The following EN2 variants were observed in gnomAD, a reference collection of about 807,000 sequenced individuals.
The protein encoded by EN2 is engrailed homeobox 2, also known as homeobox protein engrailed-2.
Under a neutral mutation model 25.0 loss-of-function variants are expected in EN2, and 7 were observed. That is an observed-to-expected ratio of 0.28 (90% CI 0.16 to 0.53). EN2 has a LOEUF of 0.53. Ranked by LOEUF, EN2 falls within the 20% of genes least tolerant of loss-of-function variation. The pLI is 0.96. For missense variants in EN2, 524 were observed against 501.8 expected (o/e 1.04, Z -0.42); for synonymous variants, 277 against 243.3 (o/e 1.14, Z -1.29).
intron 1 of EN2, among the ~76,000 whole-genome samples, chr7:155,461,828 C>T (rs1429959384): frequency 1.3e-5 from 2 of 152,200 alleles, no homozygotes; most frequent in Admixed American, 6.5e-5. Flanking sequence ...GAGGCAGACA[C>T]TCTGGGCCCC....
chr7:155,459,102 G>A, intron 1 of EN2, 40 bp downstream of exon 1: 1 of 1,518,406 alleles, frequency 6.6e-7, no homozygotes, highest in Non-Finnish European at 8.7e-7. Flanking sequence ...TCGCCGCGGG[G>A]AGGCCCGCGG....
rs1173079390 is a variant in EN2 at position 155,458,384 on chromosome 7, G to A, written c.7G>A (p.Glu3Lys). ...GGGATTTACTGTGAACAGCATGGAG[G>A]AGAATGACCCCAAGCCTGGCGAAGC... ME[E>K]NDPKPGEAAA... Residue 3 changes from glutamate (E) to lysine (K), a missense_variant, in exon 1 of 2, where the codon GAG (glutamate) becomes AAG (lysine). Coordinates refer to ENST00000297375, the MANE Select transcript of EN2 (RefSeq NM_001427.4). 3 of 1,314,080 alleles carry A rather than the reference G, an allele frequency of 2.3e-6. No individual in the cohort carries two copies. The highest frequency in any genetic ancestry group is 3.5e-5 in the Admixed American group (1 of 28,622). The allele number at this position is 1,314,080 out of a possible 1,614,324, so 81.4% of individuals were successfully genotyped here.
chr7:155,461,278 G>A (rs532786396), intron 1 of EN2, among the ~76,000 whole-genome samples: 2 of 152,368 alleles, frequency 1.3e-5, no homozygotes, highest in South Asian at 2.1e-4. Context: ...ACCCAGAGGC[G>A]AGGTCACCAC....
Position 155,458,784 on chromosome 7 carries a change from C to G in EN2, c.407C>G (p.Ala136Gly), listed in dbSNP as rs1795659910. ...GAGCCCCGGCAGAACCCGCCATGTG[C>G]GCCCGGCGCGGGCGGGCCGCTCCCA... Reference protein sequence around the residue: ...SREPRQNPPCAPGAGGPLPAA... With the variant: ...SREPRQNPPCGPGAGGPLPAA... The change falls in exon 1 of 2, where the codon GCG becomes GGG. Residue 136 changes from alanine to glycine, a missense_variant. Ala to Gly is a moderately conservative substitution (Grantham distance 60). Transcript: ENST00000297375. 1 of 1,388,774 alleles carries G rather than the reference C, an allele frequency of 7.2e-7. No individual in the cohort carries two copies. Among genetic ancestry groups the G allele is most frequent in the Admixed American group, 3.7e-5 (1 of 26,756 alleles). 86.0% of individuals were successfully genotyped at this position (1,388,774 alleles called of 1,614,324 possible).
rs771914368 is a variant in EN2 at position 155,459,109 on chromosome 7, G to C, written c.685+47G>C. 5.3e-6 allele frequency: 8 copies of C among 1,511,468 alleles called. No individual in the cohort carries two copies. In the Admixed American group the frequency reaches 1.3e-4, roughly 24 times the overall value. The allele number at this position is 1,511,468 out of a possible 1,614,324, so 93.6% of individuals were successfully genotyped here. ...GTCCCGGCTCGCCGCGGGGAGGCCCGCGGAGCTGGGGGGCGGTGCTGGCGC... is the reference window on the plus strand; with the variant it reads ...GTCCCGGCTCGCCGCGGGGAGGCCCCCGGAGCTGGGGGGCGGTGCTGGCGC... On this transcript the variant is annotated intron_variant, in intron 1 of 1. Transcript: ENST00000297375.
intron 1 of EN2, 66 bp downstream of exon 1, chr7:155,459,128 C>T: frequency 6.8e-7 from 1 of 1,461,538 alleles, no homozygotes; most frequent in African/African-American, 1.5e-5. Context: ...GGGGGCGGTG[C>T]TGGCGCGGGA....
At position 155,462,826 on chromosome 7, in the gene EN2, A is replaced by G. The variant is rs1795712533; in HGVS notation, c.*139A>G. 2 of 1,066,318 alleles carry G rather than the reference A, an allele frequency of 1.9e-6. No homozygotes were observed. The highest frequency in any genetic ancestry group is 3.2e-5 in the African/African-American group (2 of 62,312). 66.1% of individuals were successfully genotyped at this position (1,066,318 alleles called of 1,614,324 possible). Reference sequence around the variant, plus strand: ...ATTAGCTAAGGTTCTGAAATATTCTATGTATATATCATTTACAGGTGGTAT... The same window carrying G: ...ATTAGCTAAGGTTCTGAAATATTCTGTGTATATATCATTTACAGGTGGTAT... On this transcript the variant is annotated 3_prime_UTR_variant, in exon 2 of 2. Transcript: ENST00000297375.
Position 155,462,508 on chromosome 7 carries a change from C to G in EN2, c.823C>G (p.Gln275Glu), listed in dbSNP as rs745453203. The change falls in exon 2 of 2, where the codon CAG becomes GAG. Residue 275 changes from glutamine to glutamate, a missense_variant. By Grantham distance (29) the Gln-to-Glu change is conservative. Coordinates refer to ENST00000297375, the MANE Select transcript of EN2 (RefSeq NM_001427.4). ...TNRYLTEQRR[Q>E]SLAQELSLNE... ...CAGGTACCTGACGGAGCAGCGGCGC[C>G]AGAGCCTGGCGCAGGAGCTGAGCCT... 9 of 1,614,078 alleles carry G rather than the reference C, an allele frequency of 5.6e-6. No individual in the cohort carries two copies. Among genetic ancestry groups the G allele is most frequent in the African/African-American group, 1.3e-5 (1 of 74,936 alleles).
rs1214039942 is a variant in EN2 at position 155,464,501 on chromosome 7, C to A, written c.*1814C>A. On this transcript the variant is annotated 3_prime_UTR_variant, in exon 2 of 2. Transcript: ENST00000297375. ...TTTACGTTGTACATAATAGTGTAAA[C>A]CTTTTTAAAAAGGAAAGTATAAAAA... The A allele has an allele frequency of 6.6e-6, 1 of 152,608 alleles. No homozygotes were observed. The highest frequency in any genetic ancestry group is 1.5e-5 in the Non-Finnish European group (1 of 68,040). The allele number at this position is 152,608 out of a possible 1,614,324, so 9.5% of individuals were successfully genotyped here. A position where few individuals can be genotyped will look rare whatever the true frequency, so the allele number is the denominator to read the frequency against.
intron 1 of EN2, 107 bp from the exon 2 acceptor site, chr7:155,462,264 T>G: frequency 7.6e-7 from 1 of 1,317,924 alleles, no homozygotes; most frequent in Admixed American, 2.3e-5. Context: ...TCGAGTGGCC[T>G]TGGGCGAGTC....
chr7:155,458,420 G>T lies in EN2; in HGVS notation c.43G>T (p.Val15Leu). 7.7e-7 allele frequency: 1 copy of T among 1,306,460 alleles called. No individual in the cohort carries two copies. 80.9% of individuals were successfully genotyped at this position (1,306,460 alleles called of 1,614,324 possible). A position where few individuals can be genotyped will look rare whatever the true frequency, so the allele number is the denominator to read the frequency against. ...CAAGCCTGGCGAAGCAGCGGCGGCG[G>T]TGGAGGGACAGCGGCAGCCGGAATC... ...DPKPGEAAAA[V>L]EGQRQPESSP... Residue 15 changes from valine (V) to leucine (L), a missense_variant, in exon 1 of 2, where the codon GTG (valine) becomes TTG (leucine). Coordinates refer to ENST00000297375, the MANE Select transcript of EN2 (RefSeq NM_001427.4).
chr7:155,462,889 GTTTT>G lies in EN2; in HGVS notation c.*205_*208del, dbSNP rs1282511813. 1.4e-5 allele frequency: 9 copies of G among 635,870 alleles called. No homozygotes were observed. The highest frequency in any genetic ancestry group is 2.1e-5 in the Non-Finnish European group (9 of 423,056). The allele number at this position is 635,870 out of a possible 1,614,324, so 39.4% of individuals were successfully genotyped here. The stretch of plus-strand genomic sequence containing the variant: ...ATCTGACTATAAAATATTTTTTTGA[GTTTT>G]TTGTGTTTATGAGATTATGCTAATT... On this transcript the variant is annotated 3_prime_UTR_variant, in exon 2 of 2. Coordinates refer to ENST00000297375, the MANE Select transcript of EN2 (RefSeq NM_001427.4).
chr7:155,458,984 G>A lies in EN2; in HGVS notation c.607G>A (p.Gly203Ser). The change falls in exon 1 of 2, where the codon GGC (glycine) becomes AGC (serine). Residue 203 changes from glycine to serine, a missense_variant. Gly to Ser is a moderately conservative substitution (Grantham distance 56). Transcript: ENST00000297375. ...CTCGGACTCGGACAGCTCGCAAGCC[G>A]GCGCCAACCTGGGCGCGCAGCCCAT... Reference protein sequence around the residue: ...VSSDSDSSQAGANLGAQPMLW... With the variant: ...VSSDSDSSQASANLGAQPMLW... 3 of 1,552,968 alleles carry A rather than the reference G, an allele frequency of 1.9e-6. No individual in the cohort carries two copies. The highest frequency in any genetic ancestry group is 2.5e-5 in the East Asian group (1 of 40,290).
In EN2 at chr7:155,463,473, TCTC is replaced by T. The variant is rs890474287; in HGVS notation, c.*798_*800del. On this transcript the variant is annotated 3_prime_UTR_variant, in exon 2 of 2. Transcript: ENST00000297375. ...GCTCCTCCTTTCTTCTTCTTTTTCT[TCTC>T]CTCCTCCTCCTTCCTTCCTCCTCCT... The T allele has an allele frequency of 4.6e-5, 7 of 153,104 alleles. No homozygotes were observed. Among genetic ancestry groups the T allele is most frequent in the Admixed American group, 2.6e-4 (4 of 15,214 alleles). The allele number at this position is 153,104 out of a possible 1,614,324, so 9.5% of individuals were successfully genotyped here. A position where few individuals can be genotyped will look rare whatever the true frequency, so the allele number is the denominator to read the frequency against.
At position 155,458,998 on chromosome 7, in the gene EN2, C is replaced by G; in HGVS notation, c.621C>G (p.Gly207=). ...SDSSQAGANL[G]AQPMLWPAWV... The stretch of plus-strand genomic sequence containing the variant: ...GCTCGCAAGCCGGCGCCAACCTGGG[C>G]GCGCAGCCCATGCTCTGGCCGGCGT... The change falls in exon 1 of 2, where the codon GGC becomes GGG. Residue 207 remains glycine (G), a synonymous_variant. Coordinates refer to ENST00000297375, the MANE Select transcript of EN2 (RefSeq NM_001427.4). 6.4e-7 allele frequency: 1 copy of G among 1,564,100 alleles called. No individual in the cohort carries two copies.
rs917046194 is a variant in EN2, at chr7:155,458,699, G to A, written c.322G>A (p.Gly108Ser). ...AGCCGGCGGCGAAGGCGGCGCGAGC[G>A]GTGCGGAGGGAGGCGGCGGCGCGGG... ...GGAGGEGGAS[G>S]AEGGGGAGGS... Residue 108 changes from glycine to serine, a missense_variant, in exon 1 of 2, where the codon GGT becomes AGT. Coordinates refer to ENST00000297375, the MANE Select transcript of EN2 (RefSeq NM_001427.4). 2 of 1,321,268 alleles carry A rather than the reference G, an allele frequency of 1.5e-6. No individual in the cohort carries two copies. The highest frequency in any genetic ancestry group is 1.9e-6 in the Non-Finnish European group (2 of 1,042,784). 81.8% of individuals were successfully genotyped at this position (1,321,268 alleles called of 1,614,324 possible).
chr7:155,460,264 G>A (rs1434153530), intron 1 of EN2, among the ~76,000 whole-genome samples: 8 of 152,182 alleles, frequency 5.3e-5, no homozygotes, highest in South Asian at 2.1e-4. Context: ...TTTGTGCGGC[G>A]CGGGAGTTCG....
At position 155,458,665 on chromosome 7, in the gene EN2, G is replaced by GGGCGGCGGAGCC; in HGVS notation, c.296_307dup (p.Gly99_Gly102dup). On this transcript the variant is annotated inframe_insertion, in exon 1 of 2. Transcript: ENST00000297375. ...GCTGTGCGGGCGCGGGAGGAGGAAG[G>GGGCGGCGGAGCC]GGCGGCGGAGCCGGCGGCGAAGGCG... is the stretch of plus-strand genomic sequence containing the variant. 1 of 1,372,874 alleles carries GGGCGGCGGAGCC rather than the reference G, an allele frequency of 7.3e-7. No homozygotes were observed. The highest frequency in any genetic ancestry group is 9.4e-7 in the Non-Finnish European group (1 of 1,066,390). The allele number at this position is 1,372,874 out of a possible 1,614,324, so 85.0% of individuals were successfully genotyped here. A position where few individuals can be genotyped will look rare whatever the true frequency, so the allele number is the denominator to read the frequency against.
Position 155,462,428 on chromosome 7 carries a change from G to A in EN2, c.743G>A (p.Arg248His), listed in dbSNP as rs762832115. 4 of 1,614,022 alleles carry A rather than the reference G, an allele frequency of 2.5e-6. No homozygotes were observed. Among genetic ancestry groups the A allele is most frequent in the Non-Finnish European group, 3.4e-6 (4 of 1,180,016 alleles). ...CCGAACAAAGAGGACAAGCGGCCGC[G>A]CACGGCCTTTACCGCCGAGCAGCTG... ...KNPNKEDKRP[R>H]TAFTAEQLQR... Residue 248 changes from arginine to histidine, a missense_variant, in exon 2 of 2, where the codon CGC becomes CAC. Coordinates refer to ENST00000297375, the MANE Select transcript of EN2 (RefSeq NM_001427.4).
Sources: allele counts gnomAD v4.1 joint callset (sites outside exome capture counted in the v4.1 genomes callset), GRCh38; gene constraint gnomAD v4.1.1; transcripts MANE v1.5; gene names NCBI Gene and HGNC (gene_info 2026-07-23, HGNC 2026-07-21).